COL25A1: variants seen among roughly 807,000 people sequenced by gnomAD.
COL25A1 encodes the protein collagen type XXV alpha 1 chain, also known as collagen alpha-1(XXV) chain.
COL25A1 carries 103 observed loss-of-function variants against 128.4 expected under a neutral mutation model. The ratio of observed to expected loss-of-function variants is 0.80; its 90% CI spans 0.68 to 0.94. The LOEUF (loss-of-function observed/expected upper bound fraction) is 0.94. Among genes scored for constraint, COL25A1 ranks in the 40% least tolerant of loss-of-function variants. COL25A1 has a pLI of 0.00. For synonymous variants in COL25A1, 279 were observed against 277.2 expected (o/e 1.01, Z -0.06); for missense variants, 745 against 840.0 (o/e 0.89, Z 1.40).
At chr4:108,885,707 G>T (rs1740692146) in intron 18 of COL25A1, among the ~76,000 whole-genome samples, 1 of 151,930 alleles carries the variant, frequency 6.6e-6, no homozygotes, top group South Asian at 2.1e-4. Context: ...AAAGTATAAG[G>T]CCCTTGAAAA....
At chr4:109,297,650 G>A (rs1310698963) in intron 3 of COL25A1, among the ~76,000 whole-genome samples, 1 of 151,878 alleles carries the variant, frequency 6.6e-6, no homozygotes, top group African/African-American at 2.4e-5. Flanking sequence ...CCATTAATTA[G>A]CCACTGGGTT....
At chr4:108,961,135 C>T (rs1481827995) in intron 8 of COL25A1, among the ~76,000 whole-genome samples, 1 of 152,132 alleles carries the variant, frequency 6.6e-6, no homozygotes, top group Non-Finnish European at 1.5e-5. Context: ...CTTTTCTTAA[C>T]AGGAATCAGA....
At chr4:109,180,002 A>C (rs2526457) in intron 3 of COL25A1, among the ~76,000 whole-genome samples, 1,883 of 152,282 alleles carry the variant, frequency 0.012, 38 homozygotes, top group African/African-American at 0.035. Flanking sequence ...GTTTGGGTAA[A>C]ATGTTAACAC....
intron 10 of COL25A1, among the ~76,000 whole-genome samples, chr4:108,939,606 TTC>T (rs1463932888): frequency 6.6e-6 from 1 of 152,158 alleles, no homozygotes; most frequent in African/African-American, 2.4e-5. Context: ...AAATATTTTT[TTC>T]TTTTTGGTTT....
chr4:109,024,345 T>G (rs1226125242), intron 5 of COL25A1, among the ~76,000 whole-genome samples: 2 of 152,120 alleles, frequency 1.3e-5, no homozygotes, highest in Non-Finnish European at 2.9e-5. Flanking sequence ...GTTATTCCAA[T>G]TATCAACTTT....
intron 31 of COL25A1, among the ~76,000 whole-genome samples, chr4:108,834,749 T>C (rs1733578643): frequency 6.6e-6 from 1 of 152,226 alleles, no homozygotes; most frequent in Admixed American, 6.5e-5. Context: ...CACCATATAT[T>C]TCTTTAGGTT....
intron 6 of COL25A1, among the ~76,000 whole-genome samples, chr4:108,979,922 G>A (rs1035654545): frequency 6.6e-6 from 1 of 152,188 alleles, no homozygotes; most frequent in Non-Finnish European, 1.5e-5. Context: ...GCTCTTGAAA[G>A]ATATCCAGGA....
At chr4:108,843,886 T>C (rs111860671) in intron 30 of COL25A1, among the ~76,000 whole-genome samples, 7 of 107,134 alleles carry the variant, frequency 6.5e-5, no homozygotes, top group African/African-American at 2.3e-4. Context: ...ATGGCTATTA[T>C]TACTATTATT....
chr4:108,918,851 G>T (rs552307173), intron 12 of COL25A1, among the ~76,000 whole-genome samples: 1 of 152,102 alleles, frequency 6.6e-6, no homozygotes, highest in East Asian at 1.9e-4. Flanking sequence ...ACGTGTGGGC[G>T]TGTGTGTGCA....
At chr4:109,001,334 G>A (rs150387727) in intron 6 of COL25A1, among the ~76,000 whole-genome samples, 3 of 13,284 alleles carry the variant, frequency 2.3e-4, no homozygotes, top group East Asian at 0.033. Flanking sequence ...TCTTCGCAGC[G>A]TGCAGAATGG....
chr4:109,083,326 A>AG (rs1560658855), intron 3 of COL25A1, among the ~76,000 whole-genome samples: 1 of 152,020 alleles, frequency 6.6e-6, no homozygotes, highest in Non-Finnish European at 1.5e-5. Flanking sequence ...AATGAAAAAA[A>AG]TTTCTAAAGG....
At chr4:109,281,176 A>G (rs1422469781) in intron 3 of COL25A1, among the ~76,000 whole-genome samples, 1 of 152,116 alleles carries the variant, frequency 6.6e-6, no homozygotes, top group Admixed American at 6.6e-5. Context: ...ACTACAAGCA[A>G]TATATATATT....
intron 3 of COL25A1, among the ~76,000 whole-genome samples, chr4:109,057,231 G>C (rs1257573561): frequency 1.3e-5 from 2 of 152,012 alleles, no homozygotes; most frequent in Non-Finnish European, 2.9e-5. Flanking sequence ...AATGCACTGA[G>C]AGCAGGACTC....
At chr4:109,091,915 G>A (rs1456780711) in intron 3 of COL25A1, among the ~76,000 whole-genome samples, 3 of 152,268 alleles carry the variant, frequency 2.0e-5, no homozygotes, top group Middle Eastern at 6.8e-3. Flanking sequence ...AGCCAGCGCT[G>A]TATGCCTCAG....
chr4:109,177,237 T>C (rs1156918764), intron 3 of COL25A1, among the ~76,000 whole-genome samples: 4 of 152,184 alleles, frequency 2.6e-5, no homozygotes, highest in Middle Eastern at 3.2e-3. Flanking sequence ...AGTTGCGTCA[T>C]TGGACACACT....
chr4:108,942,250 T>C, intron 8 of COL25A1: 1 of 1,550,288 alleles, frequency 6.5e-7, no homozygotes, highest in Non-Finnish European at 8.7e-7. Context: ...GCAGCAACTG[T>C]GGGGAAGCCT....
At chr4:109,018,873 T>C (rs756271444) in intron 5 of COL25A1, among the ~76,000 whole-genome samples, 2 of 152,226 alleles carry the variant, frequency 1.3e-5, no homozygotes, top group Non-Finnish European at 2.9e-5. Context: ...AAGTATTCTC[T>C]TGGCTTCTGT....
intron 1 of COL25A1, 39 bp downstream of exon 1, chr4:109,302,130 A>C (rs1248709820): frequency 5.9e-6 from 8 of 1,365,010 alleles, no homozygotes; most frequent in Admixed American, 2.8e-5. Context: ...GTGGCTGCAC[A>C]ACTAGTTGGT....
At chr4:109,076,875 T>C (rs1406991491) in intron 3 of COL25A1, among the ~76,000 whole-genome samples, 1 of 152,100 alleles carries the variant, frequency 6.6e-6, no homozygotes, top group African/African-American at 2.4e-5. Flanking sequence ...TCTAATGCCA[T>C]TGCTGATTTG....
Sources: gnomAD v4.1 joint callset for allele counts (sites outside exome capture counted in the v4.1 genomes callset) on GRCh38, gnomAD v4.1.1 for gene constraint, MANE v1.5 for transcripts, NCBI Gene and HGNC (gene_info 2026-07-23, HGNC 2026-07-21) for gene names.